The following KLHL29 variants were observed in gnomAD, a reference collection of about 807,000 sequenced individuals.
The protein encoded by KLHL29 is kelch like family member 29, also known as kelch-like protein 29.
In KLHL29, 21 loss-of-function variants were observed where a neutral mutation model predicts 80.4. That is an observed-to-expected ratio of 0.26 (90% CI 0.19 to 0.38). KLHL29 has a LOEUF of 0.38. Ranked by LOEUF, KLHL29 falls within the 10% of genes least tolerant of loss-of-function variation. KLHL29 has a pLI of 1.00. For synonymous variants in KLHL29, 511 were observed against 526.8 expected (o/e 0.97, Z 0.41); for missense variants, 867 against 1,223.9 (o/e 0.71, Z 4.35).
chr2:23,572,352 A>G (rs1667735903), intron 3 of KLHL29, among the ~76,000 whole-genome samples: 3 of 151,810 alleles, frequency 2.0e-5, no homozygotes, highest in Admixed American at 2.0e-4. Flanking sequence ...AAAGGTTACC[A>G]CCCCCTGTGA....
chr2:23,506,113 C>G (rs1395709672), intron 2 of KLHL29, among the ~76,000 whole-genome samples: 1 of 152,240 alleles, frequency 6.6e-6, no homozygotes, highest in Non-Finnish European at 1.5e-5. Context: ...ATCCTTTCAT[C>G]TTCTTTTAAG....
intron 5 of KLHL29, among the ~76,000 whole-genome samples, chr2:23,651,940 C>T (rs866982170): frequency 2.2e-4 from 33 of 152,244 alleles, no homozygotes; most frequent in African/African-American, 6.5e-4. Context: ...ACCTTAATTT[C>T]CTCTTTAAAG....
At chr2:23,436,113 T>A (rs1183961955) in intron 1 of KLHL29, among the ~76,000 whole-genome samples, 1 of 152,112 alleles carries the variant, frequency 6.6e-6, no homozygotes, top group East Asian at 1.9e-4. Flanking sequence ...GGGTTTCTTC[T>A]TGTTGCTTCC....
chr2:23,460,858 G>A (rs942421987), intron 1 of KLHL29, among the ~76,000 whole-genome samples: 2 of 152,136 alleles, frequency 1.3e-5, no homozygotes, highest in South Asian at 2.1e-4. Context: ...GGAGCTTCCC[G>A]TGAAGGGAGC....
intron 1 of KLHL29, among the ~76,000 whole-genome samples, chr2:23,421,574 G>A (rs1262478542): frequency 6.7e-6 from 1 of 149,336 alleles, no homozygotes; most frequent in Admixed American, 6.7e-5. Context: ...GTCTGTAGCT[G>A]TGTGTGTCTG....
chr2:23,500,478 A>G (rs117836291), intron 2 of KLHL29, among the ~76,000 whole-genome samples: 1 of 152,324 alleles, frequency 6.6e-6, no homozygotes, highest in East Asian at 1.9e-4. Context: ...GTCAAGACCA[A>G]TGTTAGGAAA....
chr2:23,556,331 C>A (rs1380464806), intron 2 of KLHL29, among the ~76,000 whole-genome samples: 3 of 152,118 alleles, frequency 2.0e-5, no homozygotes, highest in Non-Finnish European at 4.4e-5. Context: ...GACTGGCAGG[C>A]TCTGTGCACA....
At chr2:23,650,156 G>C (rs1302113440) in intron 5 of KLHL29, among the ~76,000 whole-genome samples, 2 of 152,218 alleles carry the variant, frequency 1.3e-5, no homozygotes, top group Non-Finnish European at 2.9e-5. Flanking sequence ...GTCTGCCCTG[G>C]GGGAGCTGGG....
At chr2:23,653,400 A>G (rs1670139675) in intron 5 of KLHL29, among the ~76,000 whole-genome samples, 1 of 152,210 alleles carries the variant, frequency 6.6e-6, no homozygotes, top group Non-Finnish European at 1.5e-5. Flanking sequence ...CAAGCCCAGC[A>G]TCTGCATGGG....
rs557045442 is a variant in KLHL29 at position 23,611,275 on chromosome 2, T to C, written c.286-27864T>C. Among the ~76,000 whole-genome samples, 14 of 152,314 alleles carry C rather than the reference T, an allele frequency of 9.2e-5. 1 individual carries two copies. The South Asian group carries it at 2.5e-3, about 27-fold the overall frequency. On this transcript the variant is annotated intron_variant, in intron 3 of 13. Transcript: ENST00000486442. ...TCCTCTAGGAGTATTTGGCAGTTCT[T>C]AAGAGACAGATGAGAGCTGAGCAGG...
intron 3 of KLHL29, among the ~76,000 whole-genome samples, chr2:23,575,937 CTAGCACCCGCAAGAGCTGGGCTGAA>C (rs1667831233): frequency 6.6e-6 from 1 of 152,200 alleles, no homozygotes. Flanking sequence ...GTCAATTCCT[CTAGCACCCGCAAGAGCTGGGCTGAA>C]AGTGAGGCCT....
chr2:23,591,306 A>G (rs1332695418), intron 3 of KLHL29, among the ~76,000 whole-genome samples: 4 of 152,124 alleles, frequency 2.6e-5, no homozygotes, highest in Admixed American at 6.5e-5. Context: ...AGGACAAGGA[A>G]AGAGCCAGGA....
intron 1 of KLHL29, among the ~76,000 whole-genome samples, chr2:23,390,029 C>T (rs905261469): frequency 5.3e-5 from 8 of 152,120 alleles, no homozygotes; most frequent in East Asian, 1.9e-4. Flanking sequence ...AGATCAGGAC[C>T]ACCCTGAAAG....
At chr2:23,417,611 G>A (rs754471539) in intron 1 of KLHL29, among the ~76,000 whole-genome samples, 13 of 152,294 alleles carry the variant, frequency 8.5e-5, no homozygotes, top group Non-Finnish European at 8.8e-5. Context: ...CAAGTCAGTC[G>A]TGGATGGAGG....
intron 3 of KLHL29, among the ~76,000 whole-genome samples, chr2:23,591,176 C>G (rs1263093577): frequency 6.6e-6 from 1 of 152,136 alleles, no homozygotes; most frequent in Non-Finnish European, 1.5e-5. Flanking sequence ...TCTGGACAAG[C>G]ATGTTGAGGC....
chr2:23,644,848 G>A (rs1222399616), intron 5 of KLHL29, among the ~76,000 whole-genome samples: 1 of 152,226 alleles, frequency 6.6e-6, no homozygotes, highest in Admixed American at 6.5e-5. Context: ...TGAGGGCCAG[G>A]GATGGGGTGG....
intron 1 of KLHL29, among the ~76,000 whole-genome samples, chr2:23,464,365 T>TTTCA (rs1194542734): frequency 6.6e-6 from 1 of 152,172 alleles, no homozygotes; most frequent in Non-Finnish European, 1.5e-5. Flanking sequence ...CGCCAGCAGC[T>TTTCA]TTCAGCCCAT....
intron 1 of KLHL29, among the ~76,000 whole-genome samples, chr2:23,425,361 G>C (rs1344510423): frequency 6.6e-6 from 1 of 152,124 alleles, no homozygotes; most frequent in East Asian, 1.9e-4. Context: ...GGAGAGAAGT[G>C]AGGGTGGGGA....
intron 3 of KLHL29, among the ~76,000 whole-genome samples, chr2:23,587,513 C>G (rs1668150930): frequency 6.6e-6 from 1 of 152,202 alleles, no homozygotes; most frequent in Admixed American, 6.5e-5. Flanking sequence ...CCCCCCTCCA[C>G]TGCCTGGCAG....
Sources: gnomAD v4.1 joint callset for allele counts (sites outside exome capture counted in the v4.1 genomes callset) on GRCh38, gnomAD v4.1.1 for gene constraint, MANE v1.5 for transcripts, NCBI Gene and HGNC (gene_info 2026-07-23, HGNC 2026-07-21) for gene names.